Variants in VXN observed in about 807,000 individuals in gnomAD.
VXN encodes the protein uncharacterized protein C8orf46.
VXN carries 7 observed loss-of-function variants against 23.1 expected under a neutral mutation model. The observed-to-expected ratio is 0.30, with a 90% CI of 0.17 to 0.57. VXN has a LOEUF of 0.57. Among genes scored for constraint, VXN ranks in the 20% least tolerant of loss-of-function variants. The pLI is 0.91. For missense variants in VXN, 238 were observed against 272.6 expected (o/e 0.87, Z 0.89); for synonymous variants, 120 against 105.8 (o/e 1.13, Z -0.83).
At chr8:66,513,821 G>C (rs928695523) in intron 5 of VXN, 184 bp downstream of exon 5, 27 of 554,166 alleles carry the variant, frequency 4.9e-5, no homozygotes, top group Non-Finnish European at 2.5e-5. Flanking sequence ...CTCATCAACT[G>C]TTTCCCTAGG....
In VXN at chr8:66,516,723, G is replaced by C. The variant is rs971641177; in HGVS notation, c.*647G>C. 1 of 152,224 alleles carries C rather than the reference G, an allele frequency of 6.6e-6. No individual in the cohort carries two copies. The highest frequency in any genetic ancestry group is 1.5e-5 in the Non-Finnish European group (1 of 68,044). 9.4% of individuals were successfully genotyped at this position (152,224 alleles called of 1,614,324 possible). A position where few individuals can be genotyped will look rare whatever the true frequency, so the allele number is the denominator to read the frequency against. The stretch of plus-strand genomic sequence containing the variant: ...ATGTTTTCTGAAGTGGCATAGTCTA[G>C]TGGAATCAATAATCCCTTGCTTTGG... On this transcript the variant is annotated 3_prime_UTR_variant, in exon 6 of 6. Coordinates refer to ENST00000305454, the MANE Select transcript of VXN (RefSeq NM_152765.4).
chr8:66,493,792 C>T (rs1807592883), intron 1 of VXN, 74 bp downstream of exon 1: 3 of 1,242,826 alleles, frequency 2.4e-6, no homozygotes, highest in Non-Finnish European at 3.5e-6. Context: ...TCACGTGCTG[C>T]CTTACTACGG....
intron 1 of VXN, chr8:66,494,855 A>T (rs1401241000): frequency 6.6e-6 from 1 of 152,168 alleles, no homozygotes; most frequent in Non-Finnish European, 1.5e-5. Flanking sequence ...GGCACAACTG[A>T]AAATAACCTG....
Position 66,513,717 on chromosome 8 carries a change from G to A in VXN, c.440+80G>A, listed in dbSNP as rs544961227. On this transcript the variant is annotated intron_variant, in intron 5 of 5. Coordinates refer to ENST00000305454, the MANE Select transcript of VXN (RefSeq NM_152765.4). ...TCCTTCCCCAGAAGAGCACCAGGCC[G>A]CCTGGTTGACAGACCCTCGAGAGGC... The A allele has an allele frequency of 8.9e-5, 110 of 1,240,874 alleles. 2 individuals carry two copies. The highest frequency in any genetic ancestry group is 6.4e-4 in the African/African-American group (42 of 66,138). The allele number at this position is 1,240,874 out of a possible 1,614,324, so 76.9% of individuals were successfully genotyped here.
intron 2 of VXN, 42 bp from the exon 3 acceptor site, chr8:66,505,333 C>A: frequency 6.4e-7 from 1 of 1,562,224 alleles, no homozygotes; most frequent in Non-Finnish European, 8.7e-7. Context: ...TCCCTAGGCC[C>A]GAGCAGAGGA....
At position 66,499,137 on chromosome 8, in the gene VXN, T is replaced by C. The variant is rs191440009; in HGVS notation, c.126+2645T>C. On this transcript the variant is annotated intron_variant, in intron 2 of 5. Coordinates refer to ENST00000305454, the MANE Select transcript of VXN (RefSeq NM_152765.4). ...CATTTATTTTTTTATTTTTTTCTCT[T>C]TTTTTTTTGGCAAATGATTTAATGC... Among the ~76,000 whole-genome samples, 395 of 150,748 alleles carry C rather than the reference T, an allele frequency of 2.6e-3. 9 individuals are homozygous for C. The highest frequency in any genetic ancestry group is 0.024 in the Admixed American group (361 of 15,142).
intron 2 of VXN, among the ~76,000 whole-genome samples, chr8:66,504,722 C>T (rs1056751588): frequency 2.6e-5 from 4 of 152,100 alleles, no homozygotes; most frequent in African/African-American, 9.7e-5. Flanking sequence ...TCAAGATTTC[C>T]GTGCACAGAA....
chr8:66,498,545 A>C (rs1260404483), intron 2 of VXN, among the ~76,000 whole-genome samples: 2 of 152,234 alleles, frequency 1.3e-5, no homozygotes, highest in African/African-American at 2.4e-5. Flanking sequence ...CAAAACCTCC[A>C]GCGGATGCCT....
At chr8:66,508,640 C>T (rs1807786558) in intron 3 of VXN, among the ~76,000 whole-genome samples, 1 of 152,202 alleles carries the variant, frequency 6.6e-6, no homozygotes, top group African/African-American at 2.4e-5. Context: ...TCCACCTTCT[C>T]CTAGCCGGGG....
intron 5 of VXN, 165 bp downstream of exon 5, chr8:66,513,802 C>T (rs1807853722): frequency 1.7e-6 from 1 of 575,134 alleles, no homozygotes; most frequent in Non-Finnish European, 3.1e-6. Context: ...TCCTGGGTCT[C>T]TGCAGCGCCT....
intron 4 of VXN, among the ~76,000 whole-genome samples, chr8:66,510,864 C>A (rs1807813915): frequency 6.6e-6 from 1 of 152,192 alleles, no homozygotes; most frequent in Non-Finnish European, 1.5e-5. Context: ...AACCTAATCA[C>A]CTCCCAAAGG....
intron 2 of VXN, among the ~76,000 whole-genome samples, chr8:66,499,477 C>T (rs1200297529): frequency 6.6e-6 from 1 of 152,088 alleles, no homozygotes; most frequent in Non-Finnish European, 1.5e-5. Context: ...AAGTGATCCA[C>T]CTGCCTCTGC....
In VXN at chr8:66,515,907, A is replaced by G. The variant is rs1201494886; in HGVS notation, c.455A>G (p.Lys152Arg). The G allele has an allele frequency of 2.5e-6, 4 of 1,600,134 alleles. No homozygotes were observed. The highest frequency in any genetic ancestry group is 1.7e-5 in the Admixed American group (1 of 57,486). ...AVLMRGSRHLKKMTEEYPALP... is the reference protein window; with the variant it reads ...AVLMRGSRHLRKMTEEYPALP... ...CTTTTCTTTAGATCCAGACATCTCA[A>G]GAAGATGACTGAAGAGTATCCAGCC... The change falls in exon 6 of 6, where the codon AAG (lysine) becomes AGG (arginine). Residue 152 changes from lysine (K) to arginine (R), a missense_variant. Around this residue, in one of 2 missense-constraint regions of VXN, gnomAD observed 223 missense variants for 236.9 expected, o/e 0.94. Transcript: ENST00000305454.
At position 66,517,965 on chromosome 8, in the gene VXN, A is replaced by G. The variant is rs1259865638; in HGVS notation, c.*1889A>G. On this transcript the variant is annotated 3_prime_UTR_variant, in exon 6 of 6. Coordinates refer to ENST00000305454, the MANE Select transcript of VXN (RefSeq NM_152765.4). ...GAGAGGCCTGGGCCTCTGGGATTCC[A>G]CCTTGCTATCTCTGCTCTTCAACCA... 6.6e-6 allele frequency: 1 copy of G among 152,184 alleles called. No individual in the cohort carries two copies. Among genetic ancestry groups the G allele is most frequent in the Non-Finnish European group, 1.5e-5 (1 of 68,042 alleles). The allele number at this position is 152,184 out of a possible 1,614,324, so 9.4% of individuals were successfully genotyped here. A position where few individuals can be genotyped will look rare whatever the true frequency, so the allele number is the denominator to read the frequency against.
At chr8:66,513,210 G>A (rs977113562) in intron 4 of VXN, among the ~76,000 whole-genome samples, 1 of 152,190 alleles carries the variant, frequency 6.6e-6, no homozygotes, top group Non-Finnish European at 1.5e-5. Context: ...ACTGAGCTGC[G>A]CGGTCTCCAG....
At chr8:66,515,092 T>C (rs1026106920) in intron 5 of VXN, among the ~76,000 whole-genome samples, 5 of 152,272 alleles carry the variant, frequency 3.3e-5, no homozygotes, top group Admixed American at 2.0e-4. Context: ...ATATTTATTT[T>C]ACCTTAATGA....
intron 2 of VXN, among the ~76,000 whole-genome samples, chr8:66,504,607 A>T (rs1807728979): frequency 6.6e-6 from 1 of 152,202 alleles, no homozygotes; most frequent in African/African-American, 2.4e-5. Context: ...TACCATTTTT[A>T]AGGCCCATTT....
In VXN at chr8:66,513,530, C is replaced by T. The variant is rs746069765; in HGVS notation, c.343-10C>T. On this transcript the variant is annotated splice_polypyrimidine_tract_variant and intron_variant, in intron 4 of 5. Transcript: ENST00000305454. Reference sequence around the variant, plus strand: ...GCATCCTCACACTCCCTCCCGCTTCCTCATGACAGATACCGCCAGTGCCCC... The same window carrying T: ...GCATCCTCACACTCCCTCCCGCTTCTTCATGACAGATACCGCCAGTGCCCC... 1.9e-6 allele frequency: 3 copies of T among 1,613,414 alleles called. No individual in the cohort carries two copies. Among genetic ancestry groups the T allele is most frequent in the Non-Finnish European group, 2.5e-6 (3 of 1,179,338 alleles).
Position 66,505,429 on chromosome 8 carries a change from C to G in VXN, c.181C>G (p.Arg61Gly). Residue 61 changes from arginine to glycine, a missense_variant, in exon 3 of 6, where the codon CGC becomes GGC. By Grantham distance (125) the Arg-to-Gly change is moderately radical (BLOSUM62 -2). Transcript: ENST00000305454. ...THQPLELLPH[R>G]GDRRDPGDRR... The stretch of plus-strand genomic sequence containing the variant: ...CCAGCCCCTGGAGCTGCTGCCCCAC[C>G]GCGGAGACCGCAGGGACCCTGGCGA... The G allele has an allele frequency of 6.3e-7, 1 of 1,578,344 alleles. No homozygotes were observed. The highest frequency in any genetic ancestry group is 8.6e-7 in the Non-Finnish European group (1 of 1,162,818).
Sources: gnomAD v4.1 joint callset for allele counts (sites outside exome capture counted in the v4.1 genomes callset) on GRCh38, gnomAD v4.1.1 for gene constraint, gnomAD v4.1.1 regional missense constraint, MANE v1.5 for transcripts, NCBI Gene and HGNC (gene_info 2026-07-23, HGNC 2026-07-21) for gene names.